Variants in CERS3 observed in about 807,000 individuals in gnomAD.
The protein encoded by CERS3 is ceramide synthase 3.
In CERS3, 33 loss-of-function variants were observed where a neutral mutation model predicts 50.3. The ratio of observed to expected loss-of-function variants is 0.66; its 90% CI spans 0.50 to 0.88. The LOEUF (loss-of-function observed/expected upper bound fraction) is 0.88. Ranked by LOEUF, CERS3 falls within the 40% of genes least tolerant of loss-of-function variation. The pLI is 0.00. For synonymous variants in CERS3, 176 were observed against 155.2 expected (o/e 1.13, Z -0.99); for missense variants, 470 against 460.3 (o/e 1.02, Z -0.19).
intron 1 of CERS3, among the ~76,000 whole-genome samples, chr15:100,528,121 G>A (rs951386276): frequency 2.0e-5 from 3 of 152,206 alleles, no homozygotes; most frequent in Non-Finnish European, 2.9e-5. Flanking sequence ...AAATAAAAAT[G>A]CTTAACAGAA....
chr15:100,467,847 A>G (rs1567640041), intron 10 of CERS3, among the ~76,000 whole-genome samples: 846 of 71,622 alleles, frequency 0.012, 21 homozygotes, highest in Non-Finnish European at 0.017. Flanking sequence ...GTATATATAT[A>G]TATATAGATA....
chr15:100,404,522 T>C (rs565893939), intron 11 of CERS3, among the ~76,000 whole-genome samples: 1 of 152,316 alleles, frequency 6.6e-6, no homozygotes, highest in Admixed American at 6.5e-5. Flanking sequence ...ATTGGAAGAC[T>C]GAACATAATG....
chr15:100,520,256 A>G (rs1363589837), intron 2 of CERS3, among the ~76,000 whole-genome samples: 3 of 152,212 alleles, frequency 2.0e-5, no homozygotes, highest in Admixed American at 6.5e-5. Context: ...AGAGCAGGAC[A>G]TAAGTGAGGC....
chr15:100,472,856 C>T, intron 9 of CERS3, 68 bp downstream of exon 9: 1 of 1,583,330 alleles, frequency 6.3e-7, no homozygotes, highest in East Asian at 2.2e-5. Context: ...CTCACAATTA[C>T]TTCTGTGAGC....
intron 10 of CERS3, among the ~76,000 whole-genome samples, chr15:100,458,789 A>G (rs1466031982): frequency 1.3e-5 from 2 of 152,188 alleles, no homozygotes; most frequent in African/African-American, 4.8e-5. Context: ...CTATCACCAC[A>G]TGCTTTTATG....
intron 5 of CERS3, among the ~76,000 whole-genome samples, chr15:100,483,280 C>G (rs183098241): frequency 1.2e-3 from 180 of 152,300 alleles, no homozygotes; most frequent in African/African-American, 4.1e-3. Flanking sequence ...GGTGGCGCGA[C>G]AATAGATGTT....
intron 1 of CERS3, among the ~76,000 whole-genome samples, chr15:100,522,409 T>C (rs1192519391): frequency 1.3e-5 from 2 of 152,206 alleles, no homozygotes; most frequent in East Asian, 1.9e-4. Flanking sequence ...GTTACTGTAA[T>C]ATAATTATTG....
intron 1 of CERS3, among the ~76,000 whole-genome samples, chr15:100,526,947 G>A (rs760221431): frequency 2.0e-5 from 3 of 152,072 alleles, no homozygotes; most frequent in Non-Finnish European, 2.9e-5. Context: ...AAACAACCTC[G>A]TTTGATGGAT....
intron 11 of CERS3, among the ~76,000 whole-genome samples, chr15:100,403,974 T>G (rs935553227): frequency 1.3e-5 from 2 of 152,172 alleles, no homozygotes; most frequent in African/African-American, 4.8e-5. Context: ...ATTATGTAAG[T>G]GGGCCCTCTA....
intron 11 of CERS3, among the ~76,000 whole-genome samples, chr15:100,436,652 A>C (rs2033420982): frequency 6.6e-6 from 1 of 152,174 alleles, no homozygotes; most frequent in Admixed American, 6.5e-5. Flanking sequence ...TAAATAAATA[A>C]ATAAAATAAG....
intron 11 of CERS3, among the ~76,000 whole-genome samples, chr15:100,406,889 A>G (rs1194900814): frequency 6.6e-6 from 1 of 152,252 alleles, no homozygotes; most frequent in Non-Finnish European, 1.5e-5. Context: ...CAATCATGGC[A>G]GAAAGCAAGG....
intron 11 of CERS3, among the ~76,000 whole-genome samples, chr15:100,418,885 A>G (rs1424131794): frequency 6.6e-6 from 1 of 151,892 alleles, no homozygotes; most frequent in Non-Finnish European, 1.5e-5. Flanking sequence ...AAATGCTGAG[A>G]GATTTTGTCA....
chr15:100,417,421 T>C (rs12909504), intron 11 of CERS3, among the ~76,000 whole-genome samples: 86,787 of 151,598 alleles, frequency 0.57, 25,210 homozygotes, highest in Non-Finnish European at 0.6. Flanking sequence ...CACCTGGCTC[T>C]GAGGGTCCTA....
chr15:100,401,920 C>T lies in CERS3; in HGVS notation c.*793G>A, dbSNP rs1265028899. On this transcript the variant is annotated 3_prime_UTR_variant, in exon 12 of 12. Coordinates refer to ENST00000679737, the MANE Select transcript of CERS3 (RefSeq NM_001378789.1). ...ATTCCAGGAGAATCTGAGAATGACC[C>T]TTGGGGAGCTAATGCATAAATAGTT... 1.3e-5 allele frequency: 2 copies of T among 152,248 alleles called. No individual in the cohort carries two copies. Among genetic ancestry groups the T allele is most frequent in the African/African-American group, 4.8e-5 (2 of 41,456 alleles). The allele number at this position is 152,248 out of a possible 1,614,324, so 9.4% of individuals were successfully genotyped here.
intron 11 of CERS3, among the ~76,000 whole-genome samples, chr15:100,443,431 A>G (rs7403277): frequency 0.49 from 59,286 of 121,262 alleles, 11,206 homozygotes; most frequent in East Asian, 0.62. Context: ...TTCAGGATCT[A>G]TGCCTTATCA....
chr15:100,531,598 C>CT (rs2036940255), upstream of CERS3, among the ~76,000 whole-genome samples: 1 of 152,138 alleles, frequency 6.6e-6, no homozygotes, highest in Non-Finnish European at 1.5e-5. Context: ...AAGGTGATTC[C>CT]TTTTTTCTTC....
chr15:100,444,924 A>T (rs1214022201), intron 11 of CERS3, among the ~76,000 whole-genome samples: 1 of 151,708 alleles, frequency 6.6e-6, no homozygotes, highest in Non-Finnish European at 1.5e-5. Flanking sequence ...GCCTTTATTC[A>T]TCAAATCAGC....
At chr15:100,491,248 T>A (rs1470742265) in intron 3 of CERS3, among the ~76,000 whole-genome samples, 1 of 152,184 alleles carries the variant, frequency 6.6e-6, no homozygotes, top group African/African-American at 2.4e-5. Flanking sequence ...GGGATTAAAA[T>A]AAATAGGAAT....
At position 100,461,615 on chromosome 15, in the gene CERS3, CACT is replaced by C. The variant is rs998254808; in HGVS notation, c.846-5572_846-5570del. ...CTATTACTCTTACTACCACTATGGC[CACT>C]ACTACTTTCCCACAACTAGCCCTCT... On this transcript the variant is annotated intron_variant, in intron 10 of 11. Coordinates refer to ENST00000679737, the MANE Select transcript of CERS3 (RefSeq NM_001378789.1). 2.0e-4 allele frequency among the ~76,000 whole-genome samples: 31 copies of C among 152,302 alleles called. 1 individual carries two copies. The highest frequency in any genetic ancestry group is 3.4e-3 in the Middle Eastern group (1 of 294).
Sources: gnomAD v4.1 joint callset for allele counts (sites outside exome capture counted in the v4.1 genomes callset) on GRCh38, gnomAD v4.1.1 for gene constraint, MANE v1.5 for transcripts, NCBI Gene and HGNC (gene_info 2026-07-23, HGNC 2026-07-21) for gene names.